Variants in TMEM237 observed in about 807,000 individuals in gnomAD.
The protein encoded by TMEM237 is amyotrophic lateral sclerosis 2 (juvenile) chromosome region, candidate 4.
In TMEM237, 51 loss-of-function variants were observed where a neutral mutation model predicts 59.1. That is an observed-to-expected ratio of 0.86 (90% CI 0.69 to 1.09). The LOEUF (loss-of-function observed/expected upper bound fraction) is 1.09. TMEM237 is among the 50% of genes least tolerant of loss of function. The probability of loss-of-function intolerance (pLI) is 0.00; values close to 1 mark genes in which losing one functional copy is unlikely to be tolerated. For synonymous variants in TMEM237, 140 were observed against 166.1 expected (o/e 0.84, Z 1.21); for missense variants, 475 against 478.3 (o/e 0.99, Z 0.06).
intron 6 of TMEM237, among the ~76,000 whole-genome samples, chr2:201,632,919 C>A (rs1687202486): frequency 6.6e-6 from 1 of 152,090 alleles, no homozygotes; most frequent in Non-Finnish European, 1.5e-5. Flanking sequence ...TGCTAAAACC[C>A]AGTTTTACTT....
intron 12 of TMEM237, among the ~76,000 whole-genome samples, chr2:201,625,823 C>A (rs1161586677): frequency 6.6e-6 from 1 of 152,114 alleles, no homozygotes; most frequent in African/African-American, 2.4e-5. Flanking sequence ...TTAAGTAGTT[C>A]CAGACTCAAG....
chr2:201,638,201 T>A (rs759433151), intron 4 of TMEM237, among the ~76,000 whole-genome samples: 58 of 152,260 alleles, frequency 3.8e-4, no homozygotes, highest in Admixed American at 1.3e-4. Flanking sequence ...CATAGAACTC[T>A]ATGTATTAAG....
chr2:201,643,324 C>T lies in TMEM237; in HGVS notation c.42+35G>A, dbSNP rs1208718389. ...CTGCCAAGTGTAGCTGTTTACCCGC[C>T]ACCTCTCGAGGCCGACGCGCCCCTC... On this transcript the variant is annotated intron_variant, in intron 1 of 12. Coordinates refer to ENST00000409883, the MANE Select transcript of TMEM237 (RefSeq NM_001044385.3). The surrounding 1 kb of genome is among the most constrained non-coding windows in gnomAD (Gnocchi z 4.3). The T allele has an allele frequency of 6.5e-7, 1 of 1,545,772 alleles. No homozygotes were observed. Among genetic ancestry groups the T allele is most frequent in the Non-Finnish European group, 8.7e-7 (1 of 1,144,506 alleles).
At chr2:201,640,949 T>A in intron 1 of TMEM237, 25 bp from the exon 2 acceptor site, 2 of 1,601,368 alleles carry the variant, frequency 1.2e-6, no homozygotes, top group Non-Finnish European at 1.7e-6. Flanking sequence ...ATAAATTTGC[T>A]TGTAAGTAAA....
chr2:201,636,691 A>G (rs1200582924), intron 5 of TMEM237, 57 bp downstream of exon 5: 1 of 1,532,352 alleles, frequency 6.5e-7, no homozygotes, highest in Non-Finnish European at 8.8e-7. Flanking sequence ...AGAGGTTTTT[A>G]TCATGTCATC....
chr2:201,638,711 A>G (rs1559589919), intron 4 of TMEM237: 2 of 422,980 alleles, frequency 4.7e-6, no homozygotes, highest in Non-Finnish European at 8.4e-6. Context: ...GTCTGGGGAT[A>G]AAAGACCTTA....
chr2:201,627,517 A>G (rs748350665), intron 10 of TMEM237, 103 bp from the exon 11 acceptor site: 20 of 711,306 alleles, frequency 2.8e-5, no homozygotes, highest in Non-Finnish European at 4.0e-5. Context: ...ATGACTGATG[A>G]TATAAAAGAA....
rs1318271362 is a variant in TMEM237, at chr2:201,623,277, C to A, written c.*978G>T. The stretch of plus-strand genomic sequence containing the variant: ...AACATTTTTTCCCATAGCTAGTCTT[C>A]TCCTCAACTTGAGCTTTAGGGTCTC... On this transcript the variant is annotated 3_prime_UTR_variant, in exon 13 of 13. Transcript: ENST00000409883. 3 of 413,920 alleles carry A rather than the reference C, an allele frequency of 7.2e-6. No homozygotes were observed. The highest frequency in any genetic ancestry group is 5.4e-5 in the South Asian group (3 of 55,056). 25.6% of individuals were successfully genotyped at this position (413,920 alleles called of 1,614,324 possible).
At position 201,629,862 on chromosome 2, in the gene TMEM237, C is replaced by T. The variant is rs371503069; in HGVS notation, c.554-10G>A. The T allele has an allele frequency of 4.9e-5, 78 of 1,607,142 alleles. No homozygotes were observed. The African/African-American group carries it at 9.3e-4, about 19-fold the overall frequency. ...GCAGCCTGGAATCTCCCTAAGAACA[C>T]ATAACGTAATTACTAACAACTAGCG... On this transcript the variant is annotated splice_polypyrimidine_tract_variant and intron_variant, in intron 7 of 12. Coordinates refer to ENST00000409883, the MANE Select transcript of TMEM237 (RefSeq NM_001044385.3).
In TMEM237 at chr2:201,643,241, A is replaced by G; in HGVS notation, c.42+118T>C. The G allele has an allele frequency of 6.9e-6, 8 of 1,154,214 alleles. No individual in the cohort carries two copies. Among genetic ancestry groups the G allele is most frequent in the Non-Finnish European group, 8.6e-6 (7 of 814,750 alleles). 71.5% of individuals were successfully genotyped at this position (1,154,214 alleles called of 1,614,324 possible). ...GGCGGATGCGCGCACCCCACGAGCA[A>G]GGCCCTCCCTTAGTGATTCCCAGCT... On this transcript the variant is annotated intron_variant, in intron 1 of 12. Transcript: ENST00000409883. This position sits in a 1 kb window ranked among gnomAD's most constrained non-coding sequence, Gnocchi z 4.3.
In TMEM237 at chr2:201,638,981, C is replaced by T. The variant is rs200618675; in HGVS notation, c.136+8G>A. Reference sequence around the variant, plus strand: ...TGTGATCCCACACAACAAAGAATAACGTCTTACCTGGTGTGTTTTTTGTTC... The same window carrying T: ...TGTGATCCCACACAACAAAGAATAATGTCTTACCTGGTGTGTTTTTTGTTC... On this transcript the variant is annotated splice_region_variant and intron_variant, in intron 4 of 12. Coordinates refer to ENST00000409883, the MANE Select transcript of TMEM237 (RefSeq NM_001044385.3). 588 of 1,576,592 alleles carry T rather than the reference C, an allele frequency of 3.7e-4. 7 individuals carry two copies. The African/African-American group carries it at 7.2e-3, about 19-fold the overall frequency.
chr2:201,637,461 G>C (rs374067839), intron 4 of TMEM237, among the ~76,000 whole-genome samples: 1 of 152,084 alleles, frequency 6.6e-6, no homozygotes, highest in African/African-American at 2.4e-5. Flanking sequence ...AATAGAAATT[G>C]CACTGGGTGC....
chr2:201,642,506 G>A, intron 1 of TMEM237: 1 of 1,328,280 alleles, frequency 7.5e-7, no homozygotes, highest in Non-Finnish European at 1.0e-6. Flanking sequence ...CCGCAAAAAT[G>A]ACGTTCCACC....
At chr2:201,637,013 T>TC in intron 4 of TMEM237, 128 bp from the exon 5 acceptor site, 1 of 912,810 alleles carries the variant, frequency 1.1e-6, no homozygotes, top group Non-Finnish European at 1.5e-6. Context: ...GAACTAATTA[T>TC]CCCCCAAATC....
intron 5 of TMEM237, among the ~76,000 whole-genome samples, chr2:201,633,675 G>A (rs1687228757): frequency 6.6e-6 from 1 of 152,156 alleles, no homozygotes; most frequent in Non-Finnish European, 1.5e-5. Context: ...CTGTGCTGAA[G>A]ATTCCCAAGA....
At position 201,628,015 on chromosome 2, in the gene TMEM237, GGTT is replaced by G. The variant is rs1957774120; in HGVS notation, c.943+58_943+60del. ...TTTTAAAAAAAATTATATTTATCCT[GGTT>G]CAAAATTATGGTATAACTGAAGTAT... On this transcript the variant is annotated intron_variant, in intron 10 of 12. Coordinates refer to ENST00000409883, the MANE Select transcript of TMEM237 (RefSeq NM_001044385.3). 1.2e-5 allele frequency: 15 copies of G among 1,219,438 alleles called. No homozygotes were observed. The South Asian group carries it at 2.4e-4, about 19-fold the overall frequency. The allele number at this position is 1,219,438 out of a possible 1,614,324, so 75.5% of individuals were successfully genotyped here.
chr2:201,631,915 G>C lies in TMEM237; in HGVS notation c.553+136C>G, dbSNP rs919503549. On this transcript the variant is annotated intron_variant, in intron 7 of 12. Transcript: ENST00000409883. ...CAGTTTTTCACTCTCATGAATCATA[G>C]CATGATGACCAGTTTTGTGTATAAA... 21 of 867,724 alleles carry C rather than the reference G, an allele frequency of 2.4e-5. No individual in the cohort carries two copies. The African/African-American group carries it at 3.5e-4, about 15-fold the overall frequency. The allele number at this position is 867,724 out of a possible 1,614,324, so 53.8% of individuals were successfully genotyped here.
At position 201,636,725 on chromosome 2, in the gene TMEM237, T is replaced by C. The variant is rs1208081; in HGVS notation, c.274+23A>G. ...TCAAAATCACAAGTGCTATCACAAC[T>C]TAACCTTGGTTTCTTCACATACCAA... is the stretch of plus-strand genomic sequence containing the variant. On this transcript the variant is annotated intron_variant, in intron 5 of 12. Transcript: ENST00000409883. 996,221 of 1,556,314 alleles carry C rather than the reference T, an allele frequency of 0.64. 321,285 individuals are homozygous for C. Among genetic ancestry groups the C allele is most frequent in the Middle Eastern group, 0.67 (3,713 of 5,544 alleles).
At chr2:201,624,448 A>G in intron 12 of TMEM237, 126 bp from the exon 13 acceptor site, 3 of 515,268 alleles carry the variant, frequency 5.8e-6, no homozygotes, top group Admixed American at 7.7e-5. Flanking sequence ...AAAGCCCTCA[A>G]GTAAGATTTC....
Sources: gnomAD v4.1 joint callset for allele counts (sites outside exome capture counted in the v4.1 genomes callset) on GRCh38, gnomAD v4.1.1 for gene constraint, Gnocchi (gnomAD v3.1) non-coding constraint, MANE v1.5 for transcripts, NCBI Gene and HGNC (gene_info 2026-07-23, HGNC 2026-07-21) for gene names.